Variants in CNTNAP5 observed in about 807,000 individuals in gnomAD.
CNTNAP5 encodes the protein contactin associated protein family member 5, also known as contactin-associated protein-like 5.
CNTNAP5 carries 72 observed loss-of-function variants against 150.2 expected under a neutral mutation model. The ratio of observed to expected loss-of-function variants is 0.48; its 90% confidence interval spans 0.40 to 0.58. The LOEUF (loss-of-function observed/expected upper bound fraction) is 0.58, where lower values mean the gene tolerates loss of function less well. Ranked by LOEUF, CNTNAP5 falls within the 20% of genes least tolerant of loss-of-function variation. CNTNAP5 has a pLI of 0.00. For missense variants in CNTNAP5, 1,636 were observed against 1,626.2 expected (o/e 1.01, Z -0.10); for synonymous variants, 672 against 619.8 (o/e 1.08, Z -1.25).
chr2:124,516,167 A>G lies in CNTNAP5; in HGVS notation c.1328-8136A>G, dbSNP rs181853547. Among the ~76,000 whole-genome samples the G allele has an allele frequency of 5.9e-5, 9 of 152,356 alleles. No individual in the cohort carries two copies. In the East Asian group the frequency reaches 1.7e-3, roughly 29 times the overall value. ...ATAGCTGATGGATAAACAGTGTGCC[A>G]GGAAAACATAACTCAGGCTCTAAAT... On this transcript the variant is annotated intron_variant, in intron 8 of 23. Coordinates refer to ENST00000682447, the MANE Select transcript of CNTNAP5 (RefSeq NM_001367498.1).
chr2:124,469,475 G>A (rs1268438713), intron 6 of CNTNAP5, among the ~76,000 whole-genome samples: 3 of 151,914 alleles, frequency 2.0e-5, no homozygotes, highest in Admixed American at 2.0e-4. Context: ...ATAAGTAAAA[G>A]TAACATATAT....
chr2:124,209,289 C>A (rs17319827), intron 1 of CNTNAP5, among the ~76,000 whole-genome samples: 46 of 152,198 alleles, frequency 3.0e-4, no homozygotes, highest in African/African-American at 1.1e-3. Flanking sequence ...AGAGAAGATG[C>A]GTTGCCTACC....
chr2:124,818,748 C>T (rs1021950744), intron 19 of CNTNAP5, among the ~76,000 whole-genome samples: 1 of 152,112 alleles, frequency 6.6e-6, no homozygotes, highest in African/African-American at 2.4e-5. Context: ...CCATAGGGCA[C>T]CCAGAGCTAT....
chr2:124,655,945 G>GAAAGAAAGAAATAAAGAA (rs1553427799), intron 13 of CNTNAP5, among the ~76,000 whole-genome samples: 72 of 55,520 alleles, frequency 1.3e-3, no homozygotes, highest in African/African-American at 5.2e-3. Context: ...GAGAGAGAGA[G>GAAAGAAAGAAATAAAGAA]AGAAAGAAAG....
At chr2:124,642,093 A>G (rs1573516840) in intron 12 of CNTNAP5, among the ~76,000 whole-genome samples, 1 of 152,202 alleles carries the variant, frequency 6.6e-6, no homozygotes, top group Non-Finnish European at 1.5e-5. Context: ...TACGGCTTCC[A>G]AAATGAGAGC....
In CNTNAP5 at chr2:124,825,137, A is replaced by C. The variant is rs376794427; in HGVS notation, c.3217+26817A>C. 7.9e-5 allele frequency among the ~76,000 whole-genome samples: 12 copies of C among 152,308 alleles called. No homozygotes were observed. In the East Asian group the frequency reaches 2.1e-3, roughly 27 times the overall value. On this transcript the variant is annotated intron_variant, in intron 19 of 23. Transcript: ENST00000682447. ...AACTATTTTAACTATATATACTGAGAGTGTTTGGTAAATATACCGCATTCT... is the reference window on the plus strand; with the variant it reads ...AACTATTTTAACTATATATACTGAGCGTGTTTGGTAAATATACCGCATTCT...
chr2:124,865,284 T>C, intron 19 of CNTNAP5, 22 bp from the exon 20 acceptor site: 1 of 1,543,214 alleles, frequency 6.5e-7, no homozygotes, highest in Non-Finnish European at 8.8e-7. Flanking sequence ...TATATTCTAA[T>C]TTCTAATATT....
intron 1 of CNTNAP5, among the ~76,000 whole-genome samples, chr2:124,075,552 G>A (rs1682417130): frequency 1.3e-5 from 2 of 151,990 alleles, no homozygotes; most frequent in African/African-American, 4.8e-5. Context: ...GTCTCCATTT[G>A]GCTTCCATTT....
At chr2:124,107,690 G>C (rs1166320024) in intron 1 of CNTNAP5, among the ~76,000 whole-genome samples, 1 of 152,192 alleles carries the variant, frequency 6.6e-6, no homozygotes, top group Non-Finnish European at 1.5e-5. Context: ...CTTTGTGCTA[G>C]CAATGTGTGT....
At chr2:124,395,909 A>G (rs1362072245) in intron 3 of CNTNAP5, among the ~76,000 whole-genome samples, 1 of 152,184 alleles carries the variant, frequency 6.6e-6, no homozygotes, top group African/African-American at 2.4e-5. Context: ...TCTCACATTC[A>G]GTAAGTGGGA....
intron 17 of CNTNAP5, among the ~76,000 whole-genome samples, 157 bp downstream of exon 17, chr2:124,773,174 T>A (rs1313718795): frequency 6.6e-6 from 1 of 152,214 alleles, no homozygotes; most frequent in Non-Finnish European, 1.5e-5. Flanking sequence ...ATTCTTTTAT[T>A]CTGGCTTCAT....
At chr2:124,461,062 CTT>C (rs1553470213) in intron 6 of CNTNAP5, among the ~76,000 whole-genome samples, 1 of 152,044 alleles carries the variant, frequency 6.6e-6, no homozygotes, top group Non-Finnish European at 1.5e-5. Context: ...AATAGGAACA[CTT>C]TTACACTGTT....
chr2:124,208,335 G>T (rs1175211380), intron 1 of CNTNAP5, among the ~76,000 whole-genome samples: 1 of 152,054 alleles, frequency 6.6e-6, no homozygotes, highest in Non-Finnish European at 1.5e-5. Flanking sequence ...GTTATATCCA[G>T]GATTCTTATT....
At chr2:124,580,607 T>G (rs918271576) in intron 11 of CNTNAP5, among the ~76,000 whole-genome samples, 1 of 152,234 alleles carries the variant, frequency 6.6e-6, no homozygotes, top group Non-Finnish European at 1.5e-5. Context: ...TTTTAACAAG[T>G]GCTTGGCCCC....
intron 1 of CNTNAP5, among the ~76,000 whole-genome samples, chr2:124,187,592 C>T (rs539883230): frequency 6.6e-6 from 1 of 152,260 alleles, no homozygotes; most frequent in East Asian, 1.9e-4. Context: ...ACATGGTGAG[C>T]TGTCAACATC....
At position 124,626,646 on chromosome 2, in the gene CNTNAP5, G is replaced by A. The variant is rs1387431219; in HGVS notation, c.1876+16726G>A. 2.0e-5 allele frequency among the ~76,000 whole-genome samples: 3 copies of A among 152,268 alleles called. No individual in the cohort carries two copies. In the East Asian group the frequency reaches 5.8e-4, roughly 29 times the overall value. On this transcript the variant is annotated intron_variant, in intron 12 of 23. Coordinates refer to ENST00000682447, the MANE Select transcript of CNTNAP5 (RefSeq NM_001367498.1). ...CAAAACTGGGTGGCTGTTCGAGCAG[G>A]CACTGAGCTGCAAGAGTTTTTACAT...
At chr2:124,030,545 C>T (rs529633800) in intron 1 of CNTNAP5, among the ~76,000 whole-genome samples, 1 of 152,168 alleles carries the variant, frequency 6.6e-6, no homozygotes, top group East Asian at 1.9e-4. Context: ...ATATACATAT[C>T]TGTGGAAACT....
chr2:124,763,208 TA>T (rs1019209161), intron 14 of CNTNAP5, among the ~76,000 whole-genome samples: 5 of 151,762 alleles, frequency 3.3e-5, no homozygotes, highest in Middle Eastern at 3.4e-3. Context: ...AAAAGGTGGT[TA>T]AAAAAAAATC....
chr2:124,598,216 C>A (rs994191668), intron 11 of CNTNAP5, among the ~76,000 whole-genome samples: 4 of 138,616 alleles, frequency 2.9e-5, no homozygotes, highest in African/African-American at 1.1e-4. Context: ...GGAGGAGAGG[C>A]GCTCTGCATT....
Sources: gnomAD v4.1 joint callset for allele counts (sites outside exome capture counted in the v4.1 genomes callset) on GRCh38, gnomAD v4.1.1 for gene constraint, MANE v1.5 for transcripts, NCBI Gene and HGNC (gene_info 2026-07-23, HGNC 2026-07-21) for gene names.